ZDHHC6: variants seen among roughly 807,000 people sequenced by gnomAD.
The protein encoded by ZDHHC6 is palmitoyltransferase ZDHHC6.
Under a neutral mutation model 57.8 loss-of-function variants are expected in ZDHHC6, and 32 were observed. That is an observed-to-expected ratio of 0.55 (90% CI 0.42 to 0.74). The LOEUF (loss-of-function observed/expected upper bound fraction) is 0.74, where lower values mean the gene tolerates loss of function less well. ZDHHC6 is among the 30% of genes least tolerant of loss of function. The pLI is 0.00. For synonymous variants in ZDHHC6, 128 were observed against 158.0 expected (o/e 0.81, Z 1.42); for missense variants, 433 against 500.7 (o/e 0.86, Z 1.29).
downstream of ZDHHC6, chr10:112,427,961 C>CAA (rs1354117062): frequency 6.5e-6 from 1 of 153,848 alleles, no homozygotes; most frequent in East Asian, 1.9e-4. Context: ...TTGATCATAC[C>CAA]AAACATTTCC....
At chr10:112,426,273 G>C, downstream of ZDHHC6, 1 of 1,614,108 alleles carries the variant, frequency 6.2e-7, no homozygotes, top group Non-Finnish European at 8.5e-7. Context: ...CTTAGTAGGA[G>C]TGGTGGTTCC....
intron 2 of ZDHHC6, 76 bp downstream of exon 2, chr10:112,445,094 T>C: frequency 6.7e-7 from 1 of 1,491,200 alleles, no homozygotes; most frequent in Non-Finnish European, 9.1e-7. Flanking sequence ...TGTTTGGTAT[T>C]ATTGGTTAGT....
chr10:112,426,736 C>T (rs1844735391), downstream of ZDHHC6: 4 of 1,535,276 alleles, frequency 2.6e-6, no homozygotes, highest in South Asian at 1.1e-5. Flanking sequence ...CATGCTTAGC[C>T]CTTCAGGCTT....
chr10:112,425,168 G>A (rs891136700), exon 12 of ZDHHC6: 6 of 538,930 alleles, frequency 1.1e-5, no homozygotes, highest in Non-Finnish European at 1.3e-5. Context: ...CTTGCTGCAC[G>A]ATGCTTCCCT....
chr10:112,428,725 C>T (rs897473908), downstream of ZDHHC6, among the ~76,000 whole-genome samples: 2 of 151,446 alleles, frequency 1.3e-5, no homozygotes, highest in South Asian at 2.1e-4. Flanking sequence ...GAGCCGAGAT[C>T]GCACCACTGC....
At chr10:112,426,908 T>G, downstream of ZDHHC6, 1 of 1,466,666 alleles carries the variant, frequency 6.8e-7, no homozygotes, top group Non-Finnish European at 9.5e-7. Context: ...GAAAGTTTTG[T>G]TTAAAGTTTC....
chr10:112,442,911 C>T (rs1447610734), intron 3 of ZDHHC6, among the ~76,000 whole-genome samples: 1 of 137,690 alleles, frequency 7.3e-6, no homozygotes, highest in Non-Finnish European at 1.6e-5. Context: ...TGATAGAAGA[C>T]AATGTTTTGG....
downstream of ZDHHC6, chr10:112,427,607 T>G: frequency 3.5e-6 from 1 of 285,958 alleles, no homozygotes; most frequent in South Asian, 8.9e-5. Context: ...TCAACATGCC[T>G]GTCTTCAAGA....
chr10:112,437,907 T>C (rs925190438), intron 6 of ZDHHC6, among the ~76,000 whole-genome samples: 4 of 152,194 alleles, frequency 2.6e-5, no homozygotes, highest in Non-Finnish European at 4.4e-5. Context: ...ATGGACAGTA[T>C]GAAGTATTGG....
intron 10 of ZDHHC6, 139 bp downstream of exon 10, chr10:112,432,101 T>C (rs1281968685): frequency 1.3e-6 from 1 of 763,514 alleles, no homozygotes; most frequent in Non-Finnish European, 2.1e-6. Flanking sequence ...AGGAAGTTCC[T>C]TTTGTTGCTT....
chr10:112,443,490 G>C, intron 3 of ZDHHC6, 25 bp downstream of exon 3: 1 of 1,602,890 alleles, frequency 6.2e-7, no homozygotes, highest in Non-Finnish European at 8.5e-7. Context: ...ATCAGTCCTC[G>C]CTGAACAGCA....
intron 8 of ZDHHC6, 136 bp downstream of exon 8, chr10:112,433,104 T>C: frequency 1.5e-6 from 1 of 650,940 alleles, no homozygotes; most frequent in Non-Finnish European, 2.3e-6. Flanking sequence ...CTGCATCAAA[T>C]TTCAACAAAT....
At position 112,433,273 on chromosome 10, in the gene ZDHHC6, CT is replaced by C; in HGVS notation, c.911del (p.Gln304ArgfsTer2). 6.3e-7 allele frequency: 1 copy of C among 1,577,138 alleles called. No homozygotes were observed. The highest frequency in any genetic ancestry group is 8.6e-7 in the Non-Finnish European group (1 of 1,164,846). On this transcript the variant is annotated frameshift_variant, in exon 8 of 11. Coordinates refer to ENST00000369405, the MANE Select transcript of ZDHHC6 (RefSeq NM_022494.3). LOFTEE classifies it high-confidence loss of function. The part of the protein sequence containing the change: ...GCHQYSLTIE[Q>X]LKQKADKRVR... ...CTCTCTTATCTGCTTTTTGTTTCAACTGTTCTATCTGTTTGGAAGAAATAAA... is the reference window on the plus strand; with the variant it reads ...CTCTCTTATCTGCTTTTTGTTTCAACGTTCTATCTGTTTGGAAGAAATAAA...
At chr10:112,447,519 C>T (rs766542158), upstream of ZDHHC6, 15 of 1,589,258 alleles carry the variant, frequency 9.4e-6, no homozygotes, top group South Asian at 1.1e-5. Flanking sequence ...TGGGAGGGTG[C>T]GGGCGGTGGA....
At position 112,443,546 on chromosome 10, in the gene ZDHHC6, G is replaced by T; in HGVS notation, c.328C>A (p.Pro110Thr). ...CACTTTCTGCAGTGATGTGAACGTG[G>T]TGCCTTGTATGCTTGGCAGACTTTA... ...YCKVCQAYKAPRSHHCRKCNR... is the reference protein window; with the variant it reads ...YCKVCQAYKATRSHHCRKCNR... Residue 110 changes from proline to threonine, a missense_variant, in exon 3 of 11, where the codon CCA (proline) becomes ACA (threonine). Physicochemically the swap from Pro to Thr is conservative, Grantham distance 38. Coordinates refer to ENST00000369405, the MANE Select transcript of ZDHHC6 (RefSeq NM_022494.3). 1.2e-6 allele frequency: 2 copies of T among 1,613,948 alleles called. No individual in the cohort carries two copies. Among genetic ancestry groups the T allele is most frequent in the Non-Finnish European group, 1.7e-6 (2 of 1,179,884 alleles).
At chr10:112,429,985 G>A (rs986550970), downstream of ZDHHC6, among the ~76,000 whole-genome samples, 1 of 150,098 alleles carries the variant, frequency 6.7e-6, no homozygotes, top group Non-Finnish European at 1.5e-5. Flanking sequence ...GGTGTGGGGG[G>A]GGTATTTCCC....
Position 112,430,922 on chromosome 10 carries a change from GA to G in ZDHHC6, c.1139-16del, listed in dbSNP as rs1844961304. ...TCTTGAAACACCTGAGGGAGAAAAT[GA>G]AATTGAGGTGAAATAGTCTGATGGA... is the stretch of plus-strand genomic sequence containing the variant. On this transcript the variant is annotated splice_polypyrimidine_tract_variant and intron_variant, in intron 10 of 10. Coordinates refer to ENST00000369405, the MANE Select transcript of ZDHHC6 (RefSeq NM_022494.3). 6.2e-7 allele frequency: 1 copy of G among 1,603,732 alleles called. No homozygotes were observed. Among genetic ancestry groups the G allele is most frequent in the Non-Finnish European group, 8.5e-7 (1 of 1,171,816 alleles).
At chr10:112,434,605 A>G in intron 6 of ZDHHC6, 141 bp from the exon 7 acceptor site, 1 of 795,004 alleles carries the variant, frequency 1.3e-6, no homozygotes, top group Non-Finnish European at 1.9e-6. Context: ...TGTACATGGA[A>G]GCAATAGACA....
At chr10:112,430,257 CT>C (rs1428536537), downstream of ZDHHC6, 5 of 152,232 alleles carry the variant, frequency 3.3e-5, no homozygotes, top group African/African-American at 1.2e-4. Context: ...TAAGATGAAC[CT>C]TTTTAGTCAG....
Sources: gnomAD v4.1 joint callset for allele counts (sites outside exome capture counted in the v4.1 genomes callset) on GRCh38, gnomAD v4.1.1 for gene constraint, MANE v1.5 for transcripts, NCBI Gene and HGNC (gene_info 2026-07-23, HGNC 2026-07-21) for gene names.